The following TBC1D23 variants were observed in gnomAD, a reference collection of about 807,000 sequenced individuals.
The protein encoded by TBC1D23 is HCV non-structural protein 4A-transactivated protein 1.
TBC1D23 carries 55 observed loss-of-function variants against 91.4 expected under a neutral mutation model. The observed-to-expected ratio is 0.60, with a 90% confidence interval of 0.48 to 0.75. The LOEUF is 0.75. TBC1D23 is among the 30% of genes least tolerant of loss of function. TBC1D23 has a pLI of 0.00. For synonymous variants in TBC1D23, 289 were observed against 281.0 expected (o/e 1.03, Z -0.28); for missense variants, 725 against 836.1 (o/e 0.87, Z 1.64).
In TBC1D23 at chr3:100,291,620, T is replaced by G. The variant is rs146579309; in HGVS notation, c.600+919T>G. Among the ~76,000 whole-genome samples the G allele has an allele frequency of 4.7e-3, 709 of 151,830 alleles. 2 individuals are homozygous for G. The highest frequency in any genetic ancestry group is 6.4e-3 in the Non-Finnish European group (432 of 67,942). ...AAAATTAAGGAATTTTAAATGTTTA[T>G]TAATTTATTTAAAAGTAATTATAAA... is the stretch of plus-strand genomic sequence containing the variant. On this transcript the variant is annotated intron_variant, in intron 5 of 18. Transcript: ENST00000394144.
chr3:100,279,890 A>G (rs2067680424), intron 2 of TBC1D23, 130 bp downstream of exon 2: 1 of 564,084 alleles, frequency 1.8e-6, no homozygotes, highest in Non-Finnish European at 3.2e-6. Flanking sequence ...GATTTATCAA[A>G]CAGCAGCTTA....
At chr3:100,261,124 C>T in intron 1 of TBC1D23, 53 bp downstream of exon 1, 2 of 1,550,202 alleles carry the variant, frequency 1.3e-6, no homozygotes, top group South Asian at 1.1e-5. Flanking sequence ...TCCTTCTCAC[C>T]ATCTTGCCGG....
chr3:100,292,521 G>A (rs1425903094), intron 5 of TBC1D23, among the ~76,000 whole-genome samples: 1 of 152,122 alleles, frequency 6.6e-6, no homozygotes, highest in African/African-American at 2.4e-5. Context: ...AATTCTAACT[G>A]GTTTCACTTC....
chr3:100,272,259 A>G (rs933577934), intron 1 of TBC1D23, among the ~76,000 whole-genome samples: 6 of 152,214 alleles, frequency 3.9e-5, no homozygotes, highest in African/African-American at 1.2e-4. Flanking sequence ...AAAGTAGTAC[A>G]TGTGCCACAT....
intron 6 of TBC1D23, 37 bp downstream of exon 6, chr3:100,295,248 T>C: frequency 6.3e-7 from 1 of 1,598,060 alleles, no homozygotes; most frequent in Non-Finnish European, 8.5e-7. Flanking sequence ...TTTCCTCTTT[T>C]CTCAGGGTGC....
At chr3:100,279,499 A>G in intron 1 of TBC1D23, 150 bp from the exon 2 acceptor site, 1 of 475,746 alleles carries the variant, frequency 2.1e-6, no homozygotes, top group Non-Finnish European at 3.9e-6. Flanking sequence ...CCACAAGAAA[A>G]CATGCTGTGT....
At position 100,319,094 on chromosome 3, in the gene TBC1D23, A is replaced by C. The variant is rs1374866439; in HGVS notation, c.1713A>C (p.Ser571=). The stretch of plus-strand genomic sequence containing the variant: ...ATGAAATTGACAGTTCTTCAATGTC[A>C]GATGATGATAGAAAAGAGGTTGTAA... The part of the protein sequence containing the change: ...DTDEIDSSSM[S]DDDRKEVVNI... The change falls in exon 17 of 19, where the codon TCA becomes TCC. Residue 571 remains serine, a synonymous_variant. Coordinates refer to ENST00000394144, the MANE Select transcript of TBC1D23 (RefSeq NM_001199198.3). 1.3e-6 allele frequency: 2 copies of C among 1,579,858 alleles called. No homozygotes were observed. Among genetic ancestry groups the C allele is most frequent in the Non-Finnish European group, 1.7e-6 (2 of 1,156,412 alleles).
intron 12 of TBC1D23, 152 bp from the exon 13 acceptor site, chr3:100,306,285 C>T (rs1705516088): frequency 1.8e-6 from 1 of 565,876 alleles, no homozygotes; most frequent in Non-Finnish European, 3.1e-6. Flanking sequence ...GGCCTTTACT[C>T]CTTTACAGAC....
At chr3:100,282,563 A>G (rs1576164983) in intron 3 of TBC1D23, among the ~76,000 whole-genome samples, 1 of 152,168 alleles carries the variant, frequency 6.6e-6, no homozygotes, top group Non-Finnish European at 1.5e-5. Flanking sequence ...CACAACATCT[A>G]TTTCATTTCA....
intron 4 of TBC1D23, among the ~76,000 whole-genome samples, chr3:100,286,146 G>A (rs1444093650): frequency 1.3e-5 from 2 of 152,156 alleles, no homozygotes; most frequent in Non-Finnish European, 2.9e-5. Context: ...CAAGGCTAAG[G>A]TCATGGCAGA....
chr3:100,316,251 C>A, intron 16 of TBC1D23, 64 bp downstream of exon 16: 1 of 1,113,558 alleles, frequency 9.0e-7, no homozygotes, highest in Non-Finnish European at 1.4e-6. Flanking sequence ...AGCAGTCATT[C>A]TGGGAATAGC....
intron 14 of TBC1D23, 21 bp from the exon 15 acceptor site, chr3:100,311,812 C>T: frequency 6.6e-7 from 1 of 1,521,344 alleles, no homozygotes. Flanking sequence ...TTGTTCTGTC[C>T]TCTGCCTTGA....
At chr3:100,320,621 GCTTA>G (rs555060528) in intron 17 of TBC1D23, among the ~76,000 whole-genome samples, 152 bp from the exon 18 acceptor site, 61 of 152,124 alleles carry the variant, frequency 4.0e-4, no homozygotes, top group South Asian at 3.7e-3. Flanking sequence ...TTAATGTGTA[GCTTA>G]CTTGTTTATA....
At chr3:100,275,296 C>T (rs982424134) in intron 1 of TBC1D23, among the ~76,000 whole-genome samples, 1 of 150,234 alleles carries the variant, frequency 6.7e-6, no homozygotes, top group African/African-American at 2.4e-5. Flanking sequence ...GTTCTGTAGC[C>T]TGTTTTTTGA....
chr3:100,295,058 A>C (rs762156013), intron 5 of TBC1D23, 29 bp from the exon 6 acceptor site: 13 of 1,547,590 alleles, frequency 8.4e-6, no homozygotes, highest in Admixed American at 2.2e-5. Flanking sequence ...CCAGTGGTTT[A>C]TGTCTCTCAT....
chr3:100,278,386 ATTT>A (rs199688288), intron 1 of TBC1D23, among the ~76,000 whole-genome samples: 2 of 141,460 alleles, frequency 1.4e-5, no homozygotes. Context: ...GAATTGATTG[ATTT>A]TTTTTTTTTT....
Position 100,283,789 on chromosome 3 carries a change from A to G in TBC1D23, c.454A>G (p.Ile152Val), listed in dbSNP as rs201101021. 271 of 1,609,574 alleles carry G rather than the reference A, an allele frequency of 1.7e-4. 2 individuals carry two copies. Among genetic ancestry groups the G allele is most frequent in the South Asian group, 3.0e-4 (27 of 90,980 alleles). ...RSDLYNCFYA[I>V]MNKYIPRDCS... ...CGATTTATACAACTGCTTTTATGCC[A>G]TAATGAATAAGTACATTCCCAGGTA... The change falls in exon 4 of 19, where the codon ATA becomes GTA. Residue 152 changes from isoleucine (I) to valine (V), a missense_variant. Physicochemically the swap from Ile to Val is conservative, Grantham distance 29 (BLOSUM62 3). Transcript: ENST00000394144.
chr3:100,292,071 T>C (rs760581462), intron 5 of TBC1D23, among the ~76,000 whole-genome samples: 4 of 152,178 alleles, frequency 2.6e-5, no homozygotes, highest in Non-Finnish European at 5.9e-5. Context: ...GGCCCTTATT[T>C]CAATCTGTGA....
intron 5 of TBC1D23, 137 bp from the exon 6 acceptor site, chr3:100,294,950 C>T (rs2067825299): frequency 1.2e-6 from 1 of 834,346 alleles, no homozygotes; most frequent in African/African-American, 1.8e-5. Flanking sequence ...GGATTTCATA[C>T]ACTAAGATTA....
Sources: gnomAD v4.1 joint callset for allele counts (sites outside exome capture counted in the v4.1 genomes callset) on GRCh38, gnomAD v4.1.1 for gene constraint, MANE v1.5 for transcripts, NCBI Gene and HGNC (gene_info 2026-07-23, HGNC 2026-07-21) for gene names.